MTHFD2L: variants seen among roughly 807,000 people sequenced by gnomAD.
MTHFD2L encodes the protein bifunctional methylenetetrahydrofolate dehydrogenase/cyclohydrolase 2, mitochondrial.
Under a neutral mutation model 34.9 loss-of-function variants are expected in MTHFD2L, and 29 were observed. That is an observed-to-expected ratio of 0.83 (90% CI 0.62 to 1.13). The LOEUF (loss-of-function observed/expected upper bound fraction) is 1.13. Among genes scored for constraint, MTHFD2L ranks in the 50% most tolerant of loss-of-function variants. The pLI is 0.00. For missense variants in MTHFD2L, 481 were observed against 446.5 expected, an observed-to-expected ratio of 1.08 and a Z score of -0.70; for synonymous variants, 167 against 155.7, an observed-to-expected ratio of 1.07 and a Z score of -0.54.
chr4:74,124,479 T>C (rs536501425), upstream of MTHFD2L, among the ~76,000 whole-genome samples: 49 of 151,056 alleles, frequency 3.2e-4, 1 homozygote, highest in South Asian at 1.0e-2. Flanking sequence ...TAGTTTTATG[T>C]ATTTATATAT....
intron 1 of MTHFD2L, among the ~76,000 whole-genome samples, chr4:74,130,604 T>C (rs1037473125): frequency 2.0e-5 from 3 of 152,148 alleles, no homozygotes; most frequent in African/African-American, 4.8e-5. Context: ...ATAAGAGCTA[T>C]TTATGACAAA....
At chr4:74,129,915 T>C (rs1404598808) in intron 1 of MTHFD2L, among the ~76,000 whole-genome samples, 1 of 151,692 alleles carries the variant, frequency 6.6e-6, no homozygotes, top group African/African-American at 2.4e-5. Context: ...TCACCACTGA[T>C]CCCACAGAAA....
intron 3 of MTHFD2L, among the ~76,000 whole-genome samples, chr4:74,181,449 TG>T (rs1730150198): frequency 6.6e-6 from 1 of 152,092 alleles, no homozygotes; most frequent in Admixed American, 6.6e-5. Context: ...GGAAAAAGAG[TG>T]AACTGAGTAA....
At chr4:74,190,269 C>T (rs961343865) in intron 3 of MTHFD2L, among the ~76,000 whole-genome samples, 4 of 152,172 alleles carry the variant, frequency 2.6e-5, no homozygotes, top group Non-Finnish European at 5.9e-5. Context: ...GTGTCCTTAA[C>T]ATTGCTTACA....
chr4:74,163,716 A>G (rs1174990581), intron 1 of MTHFD2L, among the ~76,000 whole-genome samples: 1 of 152,122 alleles, frequency 6.6e-6, no homozygotes, highest in South Asian at 2.1e-4. Context: ...TTCCCTATGG[A>G]ATTTTGCCCT....
intron 3 of MTHFD2L, among the ~76,000 whole-genome samples, chr4:74,177,002 A>G (rs1044161037): frequency 2.0e-5 from 3 of 151,976 alleles, no homozygotes; most frequent in Non-Finnish European, 4.4e-5. Context: ...TCATACTTCT[A>G]ATTCTTTTCC....
rs755772655 is a variant in MTHFD2L at position 74,301,812 on chromosome 4, C to G, written c.*3C>G. On this transcript the variant is annotated 3_prime_UTR_variant, in exon 8 of 8. Coordinates refer to ENST00000325278, the MANE Select transcript of MTHFD2L (RefSeq NM_001144978.3). The stretch of plus-strand genomic sequence containing the variant: ...CAGCTAAAAAAATCATTTACTAGAT[C>G]ACATGAAAGGATAAAGCAAACTGAA... 5 of 1,581,754 alleles carry G rather than the reference C, an allele frequency of 3.2e-6. No individual in the cohort carries two copies. Among genetic ancestry groups the G allele is most frequent in the Non-Finnish European group, 4.3e-6 (5 of 1,156,086 alleles).
intron 1 of MTHFD2L, among the ~76,000 whole-genome samples, chr4:74,133,077 T>C (rs1722670468): frequency 6.6e-6 from 1 of 152,180 alleles, no homozygotes; most frequent in Non-Finnish European, 1.5e-5. Flanking sequence ...GCAAGACGGG[T>C]CTAGTAGTGG....
At chr4:74,166,066 A>C (rs1726627511) in intron 1 of MTHFD2L, among the ~76,000 whole-genome samples, 1 of 152,260 alleles carries the variant, frequency 6.6e-6, no homozygotes, top group South Asian at 2.1e-4. Flanking sequence ...TATGAGTTCC[A>C]TCAGAAGATT....
intron 5 of MTHFD2L, among the ~76,000 whole-genome samples, chr4:74,224,624 G>T (rs1489574231): frequency 1.3e-5 from 2 of 151,968 alleles, no homozygotes; most frequent in Non-Finnish European, 2.9e-5. Context: ...GGAATCTCTT[G>T]CCTCTCTTGT....
intron 3 of MTHFD2L, chr4:74,190,527 G>T: frequency 1.0e-6 from 1 of 985,364 alleles, no homozygotes; most frequent in Non-Finnish European, 1.2e-6. Flanking sequence ...ACTCCTTCCA[G>T]TCTACCTCCA....
intron 5 of MTHFD2L, among the ~76,000 whole-genome samples, chr4:74,214,709 G>C (rs1159652141): frequency 6.6e-6 from 1 of 151,886 alleles, no homozygotes; most frequent in Non-Finnish European, 1.5e-5. Context: ...TGAGGAGGCA[G>C]TCTGTCCCTT....
chr4:74,201,307 A>G lies in MTHFD2L; in HGVS notation c.649A>G (p.Lys217Glu), dbSNP rs1415359265. The G allele has an allele frequency of 1.9e-6, 3 of 1,613,834 alleles. No individual in the cohort carries two copies. The highest frequency in any genetic ancestry group is 2.5e-6 in the Non-Finnish European group (3 of 1,179,840). ...GKNVVVAGRSKNVGMPIAMLL... is the reference protein window; with the variant it reads ...GKNVVVAGRSENVGMPIAMLL... ...AAATGTGGTTGTGGCTGGAAGATCC[A>G]AGAACGTAGGGATGCCTATTGCCAT... Residue 217 changes from lysine to glutamate, a missense_variant, in exon 5 of 8, where the codon AAG becomes GAG. Physicochemically the swap from Lys to Glu is moderately conservative, Grantham distance 56. Transcript: ENST00000325278.
intron 5 of MTHFD2L, among the ~76,000 whole-genome samples, chr4:74,216,739 T>C (rs1394267159): frequency 6.6e-6 from 1 of 151,750 alleles, no homozygotes; most frequent in African/African-American, 2.4e-5. Context: ...ATCCTTGACT[T>C]CTCTCTTTCT....
At chr4:74,129,582 A>G (rs1221183372) in intron 1 of MTHFD2L, among the ~76,000 whole-genome samples, 1 of 152,096 alleles carries the variant, frequency 6.6e-6, no homozygotes, top group Non-Finnish European at 1.5e-5. Flanking sequence ...ACAGCTAAAG[A>G]AGTGTTTAGA....
At chr4:74,160,412 A>G (rs1408885633) in intron 1 of MTHFD2L, 1 of 160,910 alleles carries the variant, frequency 6.2e-6, no homozygotes, top group African/African-American at 2.4e-5. Context: ...TATTTACAGT[A>G]CTTTTTAGTG....
chr4:74,165,038 CTA>C (rs769985145), intron 1 of MTHFD2L: 279 of 982,628 alleles, frequency 2.8e-4, no homozygotes, highest in Non-Finnish European at 3.1e-4. Context: ...GGCAAGGTCA[CTA>C]TGTAATTTTT....
chr4:74,180,741 G>C (rs959768255), intron 3 of MTHFD2L: 5 of 449,696 alleles, frequency 1.1e-5, no homozygotes, highest in African/African-American at 4.0e-5. Flanking sequence ...GAGTACACAG[G>C]CTTGCTCTTT....
intron 1 of MTHFD2L, among the ~76,000 whole-genome samples, chr4:74,137,944 C>T (rs1723044943): frequency 6.6e-6 from 1 of 150,634 alleles, no homozygotes; most frequent in Non-Finnish European, 1.5e-5. Context: ...TTACCAGAGA[C>T]CAAGAATGGC....
Sources: gnomAD v4.1 joint callset for allele counts (sites outside exome capture counted in the v4.1 genomes callset) on GRCh38, gnomAD v4.1.1 for gene constraint, MANE v1.5 for transcripts, NCBI Gene and HGNC (gene_info 2026-07-23, HGNC 2026-07-21) for gene names.